Variants in ZNF32 observed in about 807,000 individuals in gnomAD.
The protein encoded by ZNF32 is C2H2-546.
Under a neutral mutation model 24.4 loss-of-function variants are expected in ZNF32, and 13 were observed. The observed-to-expected ratio is 0.53, with a 90% CI of 0.35 to 0.85. ZNF32 has a LOEUF of 0.85. ZNF32 is among the 40% of genes least tolerant of loss of function. ZNF32 has a pLI of 0.01. For missense variants in ZNF32, 239 were observed against 325.3 expected (o/e 0.73, Z 2.04); for synonymous variants, 115 against 117.4 (o/e 0.98, Z 0.13).
In ZNF32 at chr10:43,643,990, T is replaced by G. The variant is rs1839191161; in HGVS notation, c.*60A>C. On this transcript the variant is annotated 3_prime_UTR_variant, in exon 3 of 3. Coordinates refer to ENST00000374433, the MANE Select transcript of ZNF32 (RefSeq NM_006973.3). The stretch of plus-strand genomic sequence containing the variant: ...CATTCCATAGAACTGGATAGGTTGC[T>G]TCATCTCAGAGGATTTTGTACTCTT... 10 of 1,518,190 alleles carry G rather than the reference T, an allele frequency of 6.6e-6. 2 individuals are homozygous for G. The South Asian group carries it at 1.2e-4, about 18-fold the overall frequency. The allele number at this position is 1,518,190 out of a possible 1,614,324, so 94.0% of individuals were successfully genotyped here.
chr10:43,646,195 C>G lies in ZNF32; in HGVS notation c.-62G>C. On this transcript the variant is annotated 5_prime_UTR_variant, in exon 2 of 3. Transcript: ENST00000374433. ...CATATGATTCTTCCATGGGCTGTTC[C>G]TGAGCACCTGAGGGAGAAAAACAAA... The G allele has an allele frequency of 6.3e-7, 1 of 1,579,650 alleles. No homozygotes were observed. The highest frequency in any genetic ancestry group is 1.1e-5 in the South Asian group (1 of 88,122).
At position 43,644,491 on chromosome 10, in the gene ZNF32, G is replaced by A. The variant is rs781765485; in HGVS notation, c.381C>T (p.His127=). 6.2e-7 allele frequency: 1 copy of A among 1,614,196 alleles called. No individual in the cohort carries two copies. Among genetic ancestry groups the A allele is most frequent in the South Asian group, 1.1e-5 (1 of 91,082 alleles). Reference sequence around the variant, plus strand: ...TGCACTGATAAGGCTTCTCTCCCGTGTGTATCCGTTGATGTGTAACAAGAT... The same window carrying A: ...TGCACTGATAAGGCTTCTCTCCCGTATGTATCCGTTGATGTGTAACAAGAT... ...KGNLVTHQRI[H]TGEKPYQCKE... Residue 127 remains histidine, a synonymous_variant, in exon 3 of 3, where the codon CAC becomes CAT. Coordinates refer to ENST00000374433, the MANE Select transcript of ZNF32 (RefSeq NM_006973.3). This position sits in a 1 kb window ranked among gnomAD's most constrained non-coding sequence, Gnocchi z 5.3.
rs753842608 is a variant in ZNF32, at chr10:43,646,068, G to C, written c.66C>G (p.Phe22Leu). ...CHGRYAQNVAFFNVMTEAHHK... is the reference protein window; with the variant it reads ...CHGRYAQNVALFNVMTEAHHK... ...GCCATCAACTGACTCACTCACTGAA[G>C]AACGCTACATTCTGGGCATATCTTC... Residue 22 changes from phenylalanine to leucine, a missense_variant, in exon 2 of 3, where the codon TTC (phenylalanine) becomes TTG (leucine). Coordinates refer to ENST00000374433, the MANE Select transcript of ZNF32 (RefSeq NM_006973.3). 6.2e-7 allele frequency: 1 copy of C among 1,614,120 alleles called. No homozygotes were observed. Among genetic ancestry groups the C allele is most frequent in the East Asian group, 2.2e-5 (1 of 44,876 alleles).
chr10:43,644,886 C>T lies in ZNF32; in HGVS notation c.71-85G>A, dbSNP rs140534258. The T allele has an allele frequency of 1.2e-4, 166 of 1,427,650 alleles. 1 individual carries two copies. In the African/African-American group the frequency reaches 2.1e-3, roughly 18 times the overall value. The allele number at this position is 1,427,650 out of a possible 1,614,324, so 88.4% of individuals were successfully genotyped here. Reference sequence around the variant, plus strand: ...AAAAAGAAACATAATACTTTGAGTGCTTATGATGTGCCAGGCCTTATTCTT... The same window carrying T: ...AAAAAGAAACATAATACTTTGAGTGTTTATGATGTGCCAGGCCTTATTCTT... On this transcript the variant is annotated intron_variant, in intron 2 of 2. Coordinates refer to ENST00000374433, the MANE Select transcript of ZNF32 (RefSeq NM_006973.3). The surrounding 1 kb of genome is among the most constrained non-coding windows in gnomAD (Gnocchi z 5.3).
At chr10:43,647,042 C>T (rs1839323100) in intron 1 of ZNF32, 1 of 152,160 alleles carries the variant, frequency 6.6e-6, no homozygotes, top group Non-Finnish European at 1.5e-5. Flanking sequence ...TAGGAATCCT[C>T]TTGTATGTGC....
At chr10:43,645,956 A>G (rs1296226089) in intron 2 of ZNF32, 108 bp downstream of exon 2, 2 of 1,534,402 alleles carry the variant, frequency 1.3e-6, no homozygotes, top group African/African-American at 2.7e-5. Context: ...AGCAAGCTCT[A>G]CCAAAGCAAG....
chr10:43,646,941 G>A (rs1839318183), intron 1 of ZNF32, among the ~76,000 whole-genome samples: 1 of 152,202 alleles, frequency 6.6e-6, no homozygotes, highest in Non-Finnish European at 1.5e-5. Flanking sequence ...CAGTTGTCTA[G>A]TTCCTAATCA....
intron 1 of ZNF32, 141 bp from the exon 2 acceptor site, chr10:43,646,343 C>A: frequency 1.7e-6 from 1 of 578,336 alleles, no homozygotes; most frequent in Admixed American, 3.2e-5. Context: ...ACTAAAATAT[C>A]ACTGCAAAAT....
chr10:43,644,449 G>C lies in ZNF32; in HGVS notation c.423C>G (p.Ser141Arg). The change falls in exon 3 of 3, where the codon AGC becomes AGG. Residue 141 changes from serine to arginine, a missense_variant. Transcript: ENST00000374433. The surrounding 1 kb of genome is among the most constrained non-coding windows in gnomAD (Gnocchi z 5.3). ...KPYQCKECGK[S>R]FSQRGSLAVH... Reference sequence around the variant, plus strand: ...CAGCGAGACTACCTCGTTGACTGAAGCTTTTCCCACACTCCTTGCACTGAT... The same window carrying C: ...CAGCGAGACTACCTCGTTGACTGAACCTTTTCCCACACTCCTTGCACTGAT... The C allele has an allele frequency of 6.2e-7, 1 of 1,614,192 alleles. No individual in the cohort carries two copies. The highest frequency in any genetic ancestry group is 2.2e-5 in the East Asian group (1 of 44,888).
At position 43,644,779 on chromosome 10, in the gene ZNF32, G is replaced by A; in HGVS notation, c.93C>T (p.His31=). The change falls in exon 3 of 3, where the codon CAC becomes CAT. Residue 31 remains histidine (H), a synonymous_variant. Transcript: ENST00000374433. The surrounding 1 kb of genome is among the most constrained non-coding windows in gnomAD (Gnocchi z 5.3). ...CTGTAGCCTCAGAGTGGTCATATTTGTGGTGGGCTTCAGTCATCACATCTG... is the reference window on the plus strand; with the variant it reads ...CTGTAGCCTCAGAGTGGTCATATTTATGGTGGGCTTCAGTCATCACATCTG... ...AFFNVMTEAH[H]KYDHSEATGS... 1.9e-6 allele frequency: 3 copies of A among 1,606,412 alleles called. No individual in the cohort carries two copies. Among genetic ancestry groups the A allele is most frequent in the African/African-American group, 2.7e-5 (2 of 74,606 alleles).
At chr10:43,647,755 A>C (rs1237071765) in intron 1 of ZNF32, 1 of 152,230 alleles carries the variant, frequency 6.6e-6, no homozygotes, top group Non-Finnish European at 1.5e-5. Context: ...CACACACATT[A>C]AAAGTCCCTG....
chr10:43,645,779 T>A (rs1283990456), intron 2 of ZNF32, among the ~76,000 whole-genome samples: 2 of 152,198 alleles, frequency 1.3e-5, no homozygotes, highest in Non-Finnish European at 2.9e-5. Context: ...CAGGGTAATC[T>A]TCTCCTTGTT....
intron 2 of ZNF32, 55 bp downstream of exon 2, chr10:43,646,009 G>A (rs2132379173): frequency 6.2e-7 from 1 of 1,610,122 alleles, no homozygotes; most frequent in Non-Finnish European, 8.5e-7. Flanking sequence ...GCTGAGAACA[G>A]GGACACTGAA....
At chr10:43,645,353 C>G (rs752848742) in intron 2 of ZNF32, among the ~76,000 whole-genome samples, 107 of 152,374 alleles carry the variant, frequency 7.0e-4, no homozygotes, top group African/African-American at 2.4e-3. Flanking sequence ...AAATCCACCT[C>G]TGTCCAATCT....
At chr10:43,648,090 C>CGTG (rs1839378516) in intron 1 of ZNF32, 2 of 152,170 alleles carry the variant, frequency 1.3e-5, no homozygotes, top group Non-Finnish European at 2.9e-5. Context: ...CCGTGGCTCC[C>CGTG]CCAGGATATG....
chr10:43,646,709 C>T (rs373625074), intron 1 of ZNF32, among the ~76,000 whole-genome samples: 13 of 152,214 alleles, frequency 8.5e-5, no homozygotes, highest in African/African-American at 1.2e-4. Flanking sequence ...GACCCAGACT[C>T]GCCTTTCTCT....
At chr10:43,646,786 A>G (rs1018069534) in intron 1 of ZNF32, among the ~76,000 whole-genome samples, 1 of 152,186 alleles carries the variant, frequency 6.6e-6, no homozygotes, top group African/African-American at 2.4e-5. Flanking sequence ...TTGGAAAAGA[A>G]AGACCTACTC....
chr10:43,648,509 TGCTCCTCTCCGCAGAC>T (rs920339394), intron 1 of ZNF32: 1 of 151,958 alleles, frequency 6.6e-6, no homozygotes, highest in African/African-American at 2.4e-5. Flanking sequence ...CCATGGGCCC[TGCTCCTCTCCGCAGAC>T]GCTGCCCTCC....
chr10:43,648,263 A>C (rs757811350), intron 1 of ZNF32, among the ~76,000 whole-genome samples: 1 of 152,208 alleles, frequency 6.6e-6, no homozygotes, highest in Non-Finnish European at 1.5e-5. Flanking sequence ...CGTCCTCTGG[A>C]GGGCGGATGA....
Sources: gnomAD v4.1 joint callset for allele counts (sites outside exome capture counted in the v4.1 genomes callset) on GRCh38, gnomAD v4.1.1 for gene constraint, Gnocchi (gnomAD v3.1) non-coding constraint, MANE v1.5 for transcripts, NCBI Gene and HGNC (gene_info 2026-07-23, HGNC 2026-07-21) for gene names.